The following ITGB3 variants were observed in gnomAD, a reference collection of about 807,000 sequenced individuals.
ITGB3 encodes the protein integrin beta-3.
In ITGB3, 48 loss-of-function variants were observed where a neutral mutation model predicts 85.8. The observed-to-expected ratio is 0.56, with a 90% CI of 0.44 to 0.71. The LOEUF (loss-of-function observed/expected upper bound fraction) is 0.71. Ranked by LOEUF, ITGB3 falls within the 30% of genes least tolerant of loss-of-function variation. ITGB3 has a pLI of 0.00. For synonymous variants in ITGB3, 363 were observed against 395.6 expected, an observed-to-expected ratio of 0.92 and a Z score of 0.98; for missense variants, 861 against 1,019.1, an observed-to-expected ratio of 0.84 and a Z score of 2.11.
intron 12 of ITGB3, 56 bp downstream of exon 12, chr17:47,300,634 C>A: frequency 3.0e-6 from 4 of 1,322,074 alleles, no homozygotes; most frequent in South Asian, 2.5e-5. Flanking sequence ...GTTTCTAATT[C>A]AATCCCAGAA....
At chr17:47,260,902 T>A (rs2065006931) in intron 1 of ITGB3, among the ~76,000 whole-genome samples, 1 of 152,142 alleles carries the variant, frequency 6.6e-6, no homozygotes, top group African/African-American at 2.4e-5. Context: ...TATGTGCGCA[T>A]TGTGGAATGG....
rs998773286 is a variant in ITGB3, at chr17:47,313,165, G to A, written c.*2961G>A. Among the ~76,000 whole-genome samples the A allele has an allele frequency of 6.6e-6, 1 of 150,844 alleles. No individual in the cohort carries two copies. Among genetic ancestry groups the A allele is most frequent in the African/African-American group, 2.4e-5 (1 of 40,930 alleles). On this transcript the variant is annotated 3_prime_UTR_variant, in exon 15 of 15. Coordinates refer to ENST00000559488, the MANE Select transcript of ITGB3 (RefSeq NM_000212.3). Reference sequence around the variant, plus strand: ...ATTTTTGTATTTTTAGTAGAGACGGGGTTTCACCATGTTGGCCAGGCTGGT... The same window carrying A: ...ATTTTTGTATTTTTAGTAGAGACGGAGTTTCACCATGTTGGCCAGGCTGGT...
chr17:47,307,394 G>A lies in ITGB3; in HGVS notation c.2135-77G>A, dbSNP rs944159709. On this transcript the variant is annotated intron_variant, in intron 13 of 14. Transcript: ENST00000559488. ...TCAAGGACCTTAGTTACTTTGTCAAGAACACCTTTTTCATAGCCAGTTCAA... is the reference window on the plus strand; with the variant it reads ...TCAAGGACCTTAGTTACTTTGTCAAAAACACCTTTTTCATAGCCAGTTCAA... 28 of 1,539,494 alleles carry A rather than the reference G, an allele frequency of 1.8e-5. No homozygotes were observed. In the African/African-American group the frequency reaches 2.7e-4, roughly 15 times the overall value.
In ITGB3 at chr17:47,253,940, G is replaced by A. The variant is rs1037047731; in HGVS notation, c.79G>A (p.Gly27Arg). 7 of 1,418,650 alleles carry A rather than the reference G, an allele frequency of 4.9e-6. No homozygotes were observed. The highest frequency in any genetic ancestry group is 2.5e-5 in the Admixed American group (1 of 40,000). 87.9% of individuals were successfully genotyped at this position (1,418,650 alleles called of 1,614,324 possible). A position where few individuals can be genotyped will look rare whatever the true frequency, so the allele number is the denominator to read the frequency against. ...GGCGCTGGCGGGCGTTGGCGTAGGA[G>A]GTGAGTGAGGCTCCGGCTCGGCAGC... ...LGALAGVGVGGPNICTTRGVS... is the reference protein window; with the variant it reads ...LGALAGVGVGRPNICTTRGVS... The change falls in exon 1 of 15, where the codon GGG becomes AGG. Residue 27 changes from glycine to arginine, a missense_variant and splice_region_variant. Gly to Arg is a moderately radical substitution (Grantham distance 125). Transcript: ENST00000559488.
chr17:47,310,336 C>A lies in ITGB3; in HGVS notation c.*132C>A. 1.2e-6 allele frequency: 1 copy of A among 817,026 alleles called. No homozygotes were observed. The highest frequency in any genetic ancestry group is 1.4e-5 in the South Asian group (1 of 69,716). 50.6% of individuals were successfully genotyped at this position (817,026 alleles called of 1,614,324 possible). A position where few individuals can be genotyped will look rare whatever the true frequency, so the allele number is the denominator to read the frequency against. ...AGAGTGGGGTAGGTTGGGAGAATGT[C>A]AGTATGTGGAAGTGTGGGTCTGTGT... On this transcript the variant is annotated 3_prime_UTR_variant, in exon 15 of 15. Transcript: ENST00000559488.
In ITGB3 at chr17:47,297,806, C is replaced by G. The variant is rs1046881385; in HGVS notation, c.1691-1502C>G. 2.1e-5 allele frequency among the ~76,000 whole-genome samples: 3 copies of G among 145,714 alleles called. No homozygotes were observed. The Admixed American group carries it at 2.1e-4, about 10-fold the overall frequency. ...CTAAGGTGGGAAGATCACTTGAGCC[C>G]AGGAGTTTGAAGTTACAGTGAGCAA... On this transcript the variant is annotated intron_variant, in intron 10 of 14. Coordinates refer to ENST00000559488, the MANE Select transcript of ITGB3 (RefSeq NM_000212.3).
chr17:47,297,892 A>G (rs2065151602), intron 10 of ITGB3, among the ~76,000 whole-genome samples: 1 of 151,550 alleles, frequency 6.6e-6, no homozygotes, highest in Non-Finnish European at 1.5e-5. Flanking sequence ...AAAAAAAAAA[A>G]AAAAAGCAAA....
At chr17:47,279,185 C>T (rs1265946256) in intron 2 of ITGB3, among the ~76,000 whole-genome samples, 1 of 152,142 alleles carries the variant, frequency 6.6e-6, no homozygotes, top group Non-Finnish European at 1.5e-5. Flanking sequence ...TCAGCCAGCT[C>T]GCAGGGCGCT....
Position 47,307,546 on chromosome 17 carries a change from C to T in ITGB3, c.2210C>T (p.Ala737Val), listed in dbSNP as rs778684385. The T allele has an allele frequency of 1.9e-6, 3 of 1,614,078 alleles. No individual in the cohort carries two copies. The highest frequency in any genetic ancestry group is 2.7e-5 in the African/African-American group (2 of 74,928). Residue 737 changes from alanine to valine, a missense_variant, in exon 14 of 15, where the codon GCC becomes GTC. Transcript: ENST00000559488. ...GCCATTCTGCTCATTGGCCTTGCCG[C>T]CCTGCTCATCTGGAAACTCCTCATC... is the stretch of plus-strand genomic sequence containing the variant. ...MGAILLIGLA[A>V]LLIWKLLITI...
chr17:47,272,204 T>C (rs1300079769), intron 1 of ITGB3, among the ~76,000 whole-genome samples: 2 of 151,670 alleles, frequency 1.3e-5, no homozygotes, highest in African/African-American at 4.8e-5. Context: ...CACAGGGGCC[T>C]GCCACCACAC....
intron 2 of ITGB3, among the ~76,000 whole-genome samples, chr17:47,277,943 T>A (rs571836219): frequency 6.6e-6 from 1 of 152,386 alleles, no homozygotes; most frequent in South Asian, 2.1e-4. Flanking sequence ...TCTTTCTATT[T>A]ATTTTTAATC....
intron 10 of ITGB3, among the ~76,000 whole-genome samples, chr17:47,295,968 C>G (rs1332054788): frequency 6.6e-6 from 1 of 152,178 alleles, no homozygotes; most frequent in African/African-American, 2.4e-5. Context: ...TCAGGGTGGG[C>G]CTGGCTTTGT....
intron 12 of ITGB3, among the ~76,000 whole-genome samples, chr17:47,301,016 C>G (rs1412076635): frequency 6.6e-6 from 1 of 152,204 alleles, no homozygotes; most frequent in East Asian, 1.9e-4. Context: ...CAAGATTTTG[C>G]TTAAAGCTTT....
intron 11 of ITGB3, 100 bp from the exon 12 acceptor site, chr17:47,300,370 TTAATGGAG>T: frequency 1.3e-6 from 1 of 782,960 alleles, no homozygotes; most frequent in South Asian, 1.4e-5. Context: ...TGTGTGTGTT[TTAATGGAG>T]GTGGAGCAGC....
At chr17:47,307,394 G>T in intron 13 of ITGB3, 77 bp from the exon 14 acceptor site, 1 of 1,539,612 alleles carries the variant, frequency 6.5e-7, no homozygotes. Context: ...ACTTTGTCAA[G>T]AACACCTTTT....
intron 2 of ITGB3, among the ~76,000 whole-genome samples, chr17:47,280,345 A>G (rs1229878305): frequency 6.6e-6 from 1 of 152,024 alleles, no homozygotes; most frequent in South Asian, 2.1e-4. Context: ...GTTTTGGGTT[A>G]CAGGGTTTTT....
At chr17:47,287,441 G>A (rs951351) in intron 6 of ITGB3, among the ~76,000 whole-genome samples, 5,941 of 152,256 alleles carry the variant, frequency 0.039, 191 homozygotes, top group East Asian at 0.1. Flanking sequence ...TGATTGTGGT[G>A]TTATCACTGC....
chr17:47,290,323 G>T (rs755815304), intron 8 of ITGB3, 49 bp downstream of exon 8: 6 of 1,486,794 alleles, frequency 4.0e-6, no homozygotes, highest in Non-Finnish European at 5.6e-6. Flanking sequence ...CACCTCATTT[G>T]GCTTACACAG....
chr17:47,298,305 C>T (rs957420662), intron 10 of ITGB3, among the ~76,000 whole-genome samples: 6 of 152,064 alleles, frequency 3.9e-5, no homozygotes, highest in Non-Finnish European at 7.4e-5. Context: ...CATTTAATTT[C>T]TCTTATTTTC....
Sources: gnomAD v4.1 joint callset for allele counts (sites outside exome capture counted in the v4.1 genomes callset) on GRCh38, gnomAD v4.1.1 for gene constraint, MANE v1.5 for transcripts, NCBI Gene and HGNC (gene_info 2026-07-23, HGNC 2026-07-21) for gene names.